RAPGEF5: variants seen among roughly 807,000 people sequenced by gnomAD.
The protein encoded by RAPGEF5 is Rap guanine nucleotide exchange factor 5, also known as M-Ras-regulated GEF.
Under a neutral mutation model 125.2 loss-of-function variants are expected in RAPGEF5, and 65 were observed. The observed-to-expected ratio is 0.52, with a 90% CI of 0.43 to 0.64. The LOEUF (loss-of-function observed/expected upper bound fraction) is 0.64. Ranked by LOEUF, RAPGEF5 falls within the 30% of genes least tolerant of loss-of-function variation. RAPGEF5 has a pLI of 0.00. For synonymous variants in RAPGEF5, 391 were observed against 385.9 expected, an observed-to-expected ratio of 1.01 and a Z score of -0.16; for missense variants, 958 against 1,048.1, an observed-to-expected ratio of 0.91 and a Z score of 1.19.
chr7:22,125,171 A>C (rs1289122929), intron 25 of RAPGEF5: 1 of 153,174 alleles, frequency 6.5e-6, no homozygotes, highest in Non-Finnish European at 1.5e-5. Flanking sequence ...AAGATTCTGG[A>C]AGGCTGCTTT....
Position 22,291,175 on chromosome 7 carries a change from C to T in RAPGEF5, c.747G>A (p.Ala249=), listed in dbSNP as rs557752851. Residue 249 remains alanine (A), a splice_region_variant and synonymous_variant, in exon 6 of 26, where the codon GCG becomes GCA. Coordinates refer to ENST00000665637, the MANE Select transcript of RAPGEF5 (RefSeq NM_012294.5). ...AGGCAGGAAAATTGCATGGTCTTACCGCAGATGTTAGACGCACAAGAATTT... is the reference window on the plus strand; with the variant it reads ...AGGCAGGAAAATTGCATGGTCTTACTGCAGATGTTAGACGCACAAGAATTT... The part of the protein sequence containing the change: ...SDEILVRLTS[A]VQRELAAVIA... 7 of 1,590,594 alleles carry T rather than the reference C, an allele frequency of 4.4e-6. No homozygotes were observed. The highest frequency in any genetic ancestry group is 2.7e-5 in the African/African-American group (2 of 74,160).
Position 22,122,421 on chromosome 7 carries a change from G to C in RAPGEF5, c.2637C>G (p.Ile879Met), listed in dbSNP as rs181967282. The C allele has an allele frequency of 1.9e-6, 3 of 1,613,344 alleles. No homozygotes were observed. The highest frequency in any genetic ancestry group is 3.3e-5 in the Admixed American group (2 of 60,004). ...QQALFELSHR[I>M]EPRV ...GCAGTGGGGCTCACACCCGAGGCTC[G>C]ATCCTGTGTGAGAGCTCAAACAGAG... Residue 879 changes from isoleucine (I) to methionine (M), a missense_variant, in exon 26 of 26, where the codon ATC becomes ATG. Physicochemically the swap from Ile to Met is conservative, Grantham distance 10. Coordinates refer to ENST00000665637, the MANE Select transcript of RAPGEF5 (RefSeq NM_012294.5).
intron 16 of RAPGEF5, among the ~76,000 whole-genome samples, chr7:22,155,543 C>G (rs552079217): frequency 3.3e-5 from 5 of 152,070 alleles, no homozygotes; most frequent in African/African-American, 1.2e-4. Flanking sequence ...ATTGGCACCA[C>G]AAAAATAAAC....
chr7:22,354,767 A>G (rs950560924), intron 1 of RAPGEF5, among the ~76,000 whole-genome samples: 4 of 152,198 alleles, frequency 2.6e-5, no homozygotes, highest in Non-Finnish European at 4.4e-5. Context: ...GAAAGTGGTC[A>G]TCTGCAGGCC....
chr7:22,158,881 A>G (rs1783896727), intron 14 of RAPGEF5, among the ~76,000 whole-genome samples: 1 of 152,146 alleles, frequency 6.6e-6, no homozygotes, highest in East Asian at 1.9e-4. Context: ...TGATTCTCCC[A>G]CCTCTGACTC....
At position 22,211,963 on chromosome 7, in the gene RAPGEF5, CT is replaced by C. The variant is rs749576250; in HGVS notation, c.996+7902del. Among the ~76,000 whole-genome samples the C allele has an allele frequency of 4.6e-3, 524 of 114,338 alleles. 1 individual carries two copies. The highest frequency in any genetic ancestry group is 0.015 in the African/African-American group (451 of 29,446). 75.0% of individuals were successfully genotyped at this position (114,338 alleles called of 152,430 possible). ...CCCCTTGTGTTATCACATGTGTTCT[CT>C]TTTTTTTTTTTTTTTTTTTTTAGAC... On this transcript the variant is annotated intron_variant, in intron 9 of 25. Coordinates refer to ENST00000665637, the MANE Select transcript of RAPGEF5 (RefSeq NM_012294.5).
chr7:22,249,391 T>C (rs1260736989), intron 7 of RAPGEF5, among the ~76,000 whole-genome samples: 4 of 150,686 alleles, frequency 2.7e-5, no homozygotes, highest in East Asian at 1.9e-4. Context: ...GGCTTCATTA[T>C]GTTGGCCAGG....
At chr7:22,280,742 C>T (rs557301828) in intron 6 of RAPGEF5, among the ~76,000 whole-genome samples, 6 of 151,944 alleles carry the variant, frequency 3.9e-5, no homozygotes, top group Non-Finnish European at 7.4e-5. Context: ...TTCTTTTTTC[C>T]GTCTTAACTT....
intron 6 of RAPGEF5, among the ~76,000 whole-genome samples, chr7:22,273,469 C>T (rs957194382): frequency 2.0e-5 from 3 of 152,104 alleles, no homozygotes; most frequent in African/African-American, 4.8e-5. Context: ...CCGCCCGCCT[C>T]GGCCTCCCAA....
intron 6 of RAPGEF5, among the ~76,000 whole-genome samples, chr7:22,270,436 T>C (rs1782391694): frequency 6.6e-6 from 1 of 152,242 alleles, no homozygotes; most frequent in Non-Finnish European, 1.5e-5. Flanking sequence ...AATGATGATT[T>C]TTCTACTGTA....
chr7:22,326,767 G>A (rs143033159), intron 1 of RAPGEF5, among the ~76,000 whole-genome samples: 82 of 152,280 alleles, frequency 5.4e-4, no homozygotes, highest in African/African-American at 1.8e-3. Flanking sequence ...AGGGTACAAA[G>A]TTCTAATTAT....
chr7:22,154,005 C>A (rs777147526), intron 17 of RAPGEF5, among the ~76,000 whole-genome samples: 1 of 152,118 alleles, frequency 6.6e-6, no homozygotes, highest in Non-Finnish European at 1.5e-5. Flanking sequence ...GGAATATTGC[C>A]GTGTGAGCTT....
intron 5 of RAPGEF5, among the ~76,000 whole-genome samples, chr7:22,303,020 C>T (rs1000325734): frequency 2.0e-5 from 3 of 152,168 alleles, no homozygotes; most frequent in African/African-American, 7.2e-5. Flanking sequence ...CCCACTCCCA[C>T]CCCTGGCAAG....
chr7:22,347,528 G>A (rs370151701), intron 1 of RAPGEF5, among the ~76,000 whole-genome samples: 106 of 151,686 alleles, frequency 7.0e-4, no homozygotes, highest in Non-Finnish European at 9.7e-4. Context: ...CACAGCAACC[G>A]TAAGATACAT....
intron 24 of RAPGEF5, among the ~76,000 whole-genome samples, chr7:22,130,144 C>G (rs181656011): frequency 6.6e-6 from 1 of 152,332 alleles, no homozygotes; most frequent in Admixed American, 6.5e-5. Flanking sequence ...AGGTCAGGAT[C>G]TGTGGAGCAG....
chr7:22,298,341 C>T (rs140772215), intron 5 of RAPGEF5, among the ~76,000 whole-genome samples: 1,795 of 152,054 alleles, frequency 0.012, 30 homozygotes, highest in African/African-American at 0.041. Context: ...CCACGCCTGG[C>T]TAATTTTTTC....
chr7:22,138,822 A>G (rs2128102876), intron 21 of RAPGEF5, among the ~76,000 whole-genome samples: 1 of 152,260 alleles, frequency 6.6e-6, no homozygotes, highest in Middle Eastern at 3.4e-3. Flanking sequence ...AATTTTTCCA[A>G]ATCAGTTTCA....
rs1202618844 is a variant in RAPGEF5 at position 22,121,143 on chromosome 7, G to C, written c.*1263C>G. The C allele has an allele frequency of 6.9e-6, 1 of 144,300 alleles. No homozygotes were observed. Among genetic ancestry groups the C allele is most frequent in the Non-Finnish European group, 1.5e-5 (1 of 66,624 alleles). The allele number at this position is 144,300 out of a possible 1,614,324, so 8.9% of individuals were successfully genotyped here. On this transcript the variant is annotated 3_prime_UTR_variant, in exon 26 of 26. Coordinates refer to ENST00000665637, the MANE Select transcript of RAPGEF5 (RefSeq NM_012294.5). ...GAAAGAAATCCTCTAACCAGTCCTT[G>C]AAAATATCAAGAGGTCTTATTTGCT... is the stretch of plus-strand genomic sequence containing the variant.
intron 2 of RAPGEF5, among the ~76,000 whole-genome samples, chr7:22,317,676 T>C (rs965225359): frequency 6.6e-6 from 1 of 152,242 alleles, no homozygotes; most frequent in African/African-American, 2.4e-5. Flanking sequence ...ACAATAGCTA[T>C]ATTATATTTA....
Sources: allele counts gnomAD v4.1 joint callset (sites outside exome capture counted in the v4.1 genomes callset), GRCh38; gene constraint gnomAD v4.1.1; transcripts MANE v1.5; gene names NCBI Gene and HGNC (gene_info 2026-07-23, HGNC 2026-07-21).